SRXN1: variants seen among roughly 807,000 people sequenced by gnomAD.
The protein encoded by SRXN1 is sulfiredoxin-1.
In SRXN1, 11 loss-of-function variants were observed where a neutral mutation model predicts 11.0. The ratio of observed to expected loss-of-function variants is 1.00; its 90% CI spans 0.63 to 1.65. The LOEUF (loss-of-function observed/expected upper bound fraction) is 1.65, where lower values mean the gene tolerates loss of function less well. SRXN1 is among the 40% of genes most tolerant of loss of function. The pLI, the probability that SRXN1 is intolerant of heterozygous loss-of-function variation, is 0.00. For missense variants in SRXN1, 211 were observed against 194.5 expected (o/e 1.08, Z -0.50); for synonymous variants, 106 against 92.8 (o/e 1.14, Z -0.82).
rs1983573573 is a variant in SRXN1 at position 647,929 on chromosome 20, A to AT, written c.*784dup. The AT allele has an allele frequency of 2.7e-6, 1 of 374,678 alleles. No individual in the cohort carries two copies. The highest frequency in any genetic ancestry group is 5.3e-6 in the Non-Finnish European group (1 of 188,570). 23.2% of individuals were successfully genotyped at this position (374,678 alleles called of 1,614,324 possible). Reference sequence around the variant, plus strand: ...TGCCAGTCTCAGTAGATGGAACACGATTGGTCTATTCAGCCATGACAATTC... The same window carrying AT: ...TGCCAGTCTCAGTAGATGGAACACGATTTGGTCTATTCAGCCATGACAATTC... On this transcript the variant is annotated 3_prime_UTR_variant, in exon 2 of 2. Transcript: ENST00000381962.
At chr20:650,473 A>G (rs7269823) in intron 1 of SRXN1, among the ~76,000 whole-genome samples, 36,047 of 152,090 alleles carry the variant, frequency 0.24, 4,828 homozygotes, top group African/African-American at 0.35. Context: ...CATCCTCTAA[A>G]CAGGGAAAGT....
chr20:651,675 C>G (rs1231980480), intron 1 of SRXN1, among the ~76,000 whole-genome samples: 10 of 140,822 alleles, frequency 7.1e-5, no homozygotes, highest in Admixed American at 6.5e-4. Flanking sequence ...CAGACCCAGA[C>G]AACGTCTTAA....
chr20:652,507 G>C (rs1196651259), intron 1 of SRXN1, among the ~76,000 whole-genome samples: 9 of 152,166 alleles, frequency 5.9e-5, no homozygotes, highest in Admixed American at 5.9e-4. Flanking sequence ...ACAGCCATGA[G>C]AGCCCACGGC....
intron 1 of SRXN1, among the ~76,000 whole-genome samples, chr20:651,765 C>G (rs1983679070): frequency 6.6e-6 from 1 of 151,482 alleles, no homozygotes; most frequent in African/African-American, 2.4e-5. Flanking sequence ...AAGCTCCTAA[C>G]CCGGTAGGGA....
At chr20:650,213 A>G (rs1037197424) in intron 1 of SRXN1, among the ~76,000 whole-genome samples, 1 of 152,222 alleles carries the variant, frequency 6.6e-6, no homozygotes, top group Admixed American at 6.5e-5. Context: ...TTGTCACAGG[A>G]GAACAGACTT....
At chr20:651,007 A>T (rs1437707754) in intron 1 of SRXN1, among the ~76,000 whole-genome samples, 1 of 152,248 alleles carries the variant, frequency 6.6e-6, no homozygotes, top group Non-Finnish European at 1.5e-5. Flanking sequence ...GATGGGTCGA[A>T]TGCCATTATC....
chr20:648,198 A>T lies in SRXN1; in HGVS notation c.*516T>A. 2.2e-6 allele frequency: 1 copy of T among 456,334 alleles called. No individual in the cohort carries two copies. Among genetic ancestry groups the T allele is most frequent in the Middle Eastern group, 3.3e-4 (1 of 3,076 alleles). The allele number at this position is 456,334 out of a possible 1,614,324, so 28.3% of individuals were successfully genotyped here. A position where few individuals can be genotyped will look rare whatever the true frequency, so the allele number is the denominator to read the frequency against. ...GCAGCCATCTTGGGACCATGAAGTAACGAGCACTGAGATTAAGGCAAAAGG... is the reference window on the plus strand; with the variant it reads ...GCAGCCATCTTGGGACCATGAAGTATCGAGCACTGAGATTAAGGCAAAAGG... On this transcript the variant is annotated 3_prime_UTR_variant, in exon 2 of 2. Transcript: ENST00000381962.
Position 648,443 on chromosome 20 carries a change from G to A in SRXN1, c.*271C>T, listed in dbSNP as rs1306934310. The A allele has an allele frequency of 6.5e-6, 4 of 618,626 alleles. No individual in the cohort carries two copies. The highest frequency in any genetic ancestry group is 2.1e-5 in the Admixed American group (1 of 47,340). 38.3% of individuals were successfully genotyped at this position (618,626 alleles called of 1,614,324 possible). On this transcript the variant is annotated 3_prime_UTR_variant, in exon 2 of 2. Transcript: ENST00000381962. The stretch of plus-strand genomic sequence containing the variant: ...CTTGGGAATTTGGAGCCGGCAGCAC[G>A]TGGCTCTTCAAGCCCATCTCTGTTC...
At position 648,601 on chromosome 20, in the gene SRXN1, C is replaced by T. The variant is rs912220397; in HGVS notation, c.*113G>A. On this transcript the variant is annotated 3_prime_UTR_variant, in exon 2 of 2. Coordinates refer to ENST00000381962, the MANE Select transcript of SRXN1 (RefSeq NM_080725.3). ...AGGGGTGCCCAGAGTCAGACCCTCT[C>T]GCCAGGTGCAAAGAGAATGCACCCC... 18 of 1,227,530 alleles carry T rather than the reference C, an allele frequency of 1.5e-5. No individual in the cohort carries two copies. Among genetic ancestry groups the T allele is most frequent in the Non-Finnish European group, 1.9e-5 (16 of 852,656 alleles). 76.0% of individuals were successfully genotyped at this position (1,227,530 alleles called of 1,614,324 possible).
rs1207612049 is a variant in SRXN1, at chr20:646,777, A to C, written c.*1937T>G. 6.6e-6 allele frequency: 1 copy of C among 152,106 alleles called. No homozygotes were observed. Among genetic ancestry groups the C allele is most frequent in the Non-Finnish European group, 1.5e-5 (1 of 68,022 alleles). 9.4% of individuals were successfully genotyped at this position (152,106 alleles called of 1,614,324 possible). ...ACATCTGTCAAAACCAAGAGACTGA[A>C]ATTGGTATATTAACTAAAATTCAGA... On this transcript the variant is annotated 3_prime_UTR_variant, in exon 2 of 2. Coordinates refer to ENST00000381962, the MANE Select transcript of SRXN1 (RefSeq NM_080725.3).
At chr20:652,049 G>A (rs1008957076) in intron 1 of SRXN1, among the ~76,000 whole-genome samples, 5 of 152,186 alleles carry the variant, frequency 3.3e-5, no homozygotes, top group African/African-American at 1.2e-4. Flanking sequence ...ATTTCTGGTG[G>A]ACATAAGTGG....
rs1325737669 is a variant in SRXN1 at position 653,162 on chromosome 20, C to T, written c.24G>A (p.Thr8=). Residue 8 remains threonine, a synonymous_variant, in exon 1 of 2, where the codon ACG becomes ACA. Coordinates refer to ENST00000381962, the MANE Select transcript of SRXN1 (RefSeq NM_080725.3). MGLRAGG[T]LGRAGAGRGA... is the part of the protein sequence containing the mutation. Reference sequence around the variant, plus strand: ...CCCGACCCGCGCCGGCCCTGCCCAGCGTTCCTCCTGCACGCAGCCCCATCG... The same window carrying T: ...CCCGACCCGCGCCGGCCCTGCCCAGTGTTCCTCCTGCACGCAGCCCCATCG... 4 of 1,275,776 alleles carry T rather than the reference C, an allele frequency of 3.1e-6. No homozygotes were observed. The highest frequency in any genetic ancestry group is 2.5e-5 in the South Asian group (1 of 40,098). The allele number at this position is 1,275,776 out of a possible 1,614,324, so 79.0% of individuals were successfully genotyped here.
At chr20:651,115 A>G (rs1357449788) in intron 1 of SRXN1, among the ~76,000 whole-genome samples, 1 of 152,192 alleles carries the variant, frequency 6.6e-6, no homozygotes, top group Non-Finnish European at 1.5e-5. Flanking sequence ...AAGACAGAGG[A>G]AGAGGCCATA....
chr20:648,839 C>T lies in SRXN1; in HGVS notation c.289G>A (p.Gly97Arg). ...AQGGDYFYSF[G>R]GCHRYAAYQQ... is the part of the protein sequence containing the mutation. ...TAGGCCGCGTAGCGGTGGCAGCCCC[C>T]AAAGGAGTAGAAGTAGTCACCTCCC... Residue 97 changes from glycine (G) to arginine (R), a missense_variant, in exon 2 of 2, where the codon GGG becomes AGG. Transcript: ENST00000381962. The T allele has an allele frequency of 6.2e-7, 1 of 1,614,180 alleles. No homozygotes were observed. The highest frequency in any genetic ancestry group is 8.5e-7 in the Non-Finnish European group (1 of 1,180,038).
rs1426957040 is a variant in SRXN1, at chr20:653,082, G to C, written c.104C>G (p.Ser35Trp). 6.7e-7 allele frequency: 1 copy of C among 1,494,322 alleles called. No homozygotes were observed. The highest frequency in any genetic ancestry group is 1.3e-5 in the South Asian group (1 of 78,890). The allele number at this position is 1,494,322 out of a possible 1,614,324, so 92.6% of individuals were successfully genotyped here. A position where few individuals can be genotyped will look rare whatever the true frequency, so the allele number is the denominator to read the frequency against. Residue 35 changes from serine to tryptophan, a missense_variant, in exon 1 of 2, where the codon TCG becomes TGG. Transcript: ENST00000381962. ...SGGAQGGSIH[S>W]GRIAAVHNVP... ...GTTGTGCACCGCGGCGATGCGGCCC[G>C]AGTGGATGCTGCCGCCCTGCGCGCC...
At chr20:650,446 C>A (rs4393812) in intron 1 of SRXN1, among the ~76,000 whole-genome samples, 1 of 152,120 alleles carries the variant, frequency 6.6e-6, no homozygotes. Flanking sequence ...GCCCACACAG[C>A]CAGGTGGAGA....
chr20:651,669 C>G (rs1983675856), intron 1 of SRXN1, among the ~76,000 whole-genome samples: 1 of 150,304 alleles, frequency 6.7e-6, no homozygotes, highest in South Asian at 2.1e-4. Flanking sequence ...GGGTGACAGA[C>G]CCAGACAACG....
At chr20:652,801 G>A (rs547346967) in intron 1 of SRXN1, among the ~76,000 whole-genome samples, 175 bp downstream of exon 1, 1 of 152,338 alleles carries the variant, frequency 6.6e-6, no homozygotes, top group Admixed American at 6.5e-5. Flanking sequence ...GCTCAAGTGA[G>A]GAAACAGAGG....
Position 648,195 on chromosome 20 carries a change from G to A in SRXN1, c.*519C>T. ...ACAGCAGCCATCTTGGGACCATGAA[G>A]TAACGAGCACTGAGATTAAGGCAAA... On this transcript the variant is annotated 3_prime_UTR_variant, in exon 2 of 2. Transcript: ENST00000381962. 1 of 456,328 alleles carries A rather than the reference G, an allele frequency of 2.2e-6. No homozygotes were observed. Among genetic ancestry groups the A allele is most frequent in the South Asian group, 1.5e-5 (1 of 64,566 alleles). The allele number at this position is 456,328 out of a possible 1,614,324, so 28.3% of individuals were successfully genotyped here. A position where few individuals can be genotyped will look rare whatever the true frequency, so the allele number is the denominator to read the frequency against.
Sources: allele counts gnomAD v4.1 joint callset (sites outside exome capture counted in the v4.1 genomes callset), GRCh38; gene constraint gnomAD v4.1.1; transcripts MANE v1.5; gene names NCBI Gene and HGNC (gene_info 2026-07-23, HGNC 2026-07-21).